The following PICK1 variants were observed in gnomAD, a reference collection of about 807,000 sequenced individuals.
The protein encoded by PICK1 is PRKCA-binding protein.
In PICK1, 23 loss-of-function variants were observed where a neutral mutation model predicts 48.9. The ratio of observed to expected loss-of-function variants is 0.47; its 90% CI spans 0.34 to 0.67. The LOEUF (loss-of-function observed/expected upper bound fraction) is 0.67, where lower values mean the gene tolerates loss of function less well. PICK1 is among the 30% of genes least tolerant of loss of function. The probability of loss-of-function intolerance (pLI) is 0.01; values close to 1 mark genes in which losing one functional copy is unlikely to be tolerated. For missense variants in PICK1, 423 were observed against 557.1 expected, an observed-to-expected ratio of 0.76 and a Z score of 2.42; for synonymous variants, 217 against 228.2, an observed-to-expected ratio of 0.95 and a Z score of 0.44.
intron 5 of PICK1, among the ~76,000 whole-genome samples, chr22:38,068,293 G>A (rs965415237): frequency 6.6e-6 from 1 of 152,206 alleles, no homozygotes; most frequent in Non-Finnish European, 1.5e-5. Context: ...GCTGAGCCTC[G>A]GTTCTGTAGA....
At chr22:38,071,030 A>G (rs935094934) in intron 7 of PICK1, 139 bp downstream of exon 7, 4 of 720,502 alleles carry the variant, frequency 5.6e-6, no homozygotes, top group African/African-American at 1.8e-5. Context: ...GTTCTTAAGA[A>G]TATATACTTC....
intron 6 of PICK1, among the ~76,000 whole-genome samples, chr22:38,070,291 C>T (rs1305231820): frequency 1.3e-5 from 2 of 152,276 alleles, no homozygotes; most frequent in Admixed American, 6.5e-5. Context: ...GCTGGCTTCT[C>T]TGCTGGGCTT....
intron 3 of PICK1, among the ~76,000 whole-genome samples, chr22:38,062,850 T>C (rs192882611): frequency 6.6e-6 from 1 of 152,354 alleles, no homozygotes; most frequent in Non-Finnish European, 1.5e-5. Context: ...TGTGGAAGTG[T>C]GATGGCCTTG....
chr22:38,060,744 A>G (rs1422240580), intron 3 of PICK1, among the ~76,000 whole-genome samples: 1 of 131,114 alleles, frequency 7.6e-6, no homozygotes. Context: ...ATAAAATAGT[A>G]TAATTGATTT....
In PICK1 at chr22:38,066,121, A is replaced by G. The variant is rs1183600038; in HGVS notation, c.282+991A>G. Among the ~76,000 whole-genome samples the G allele has an allele frequency of 1.3e-5, 2 of 152,120 alleles. No homozygotes were observed. Among genetic ancestry groups the G allele is most frequent in the African/African-American group, 2.4e-5 (1 of 41,420 alleles). On this transcript the variant is annotated intron_variant, in intron 4 of 12. Coordinates refer to ENST00000356976, the MANE Select transcript of PICK1 (RefSeq NM_012407.4). This position sits in a 1 kb window ranked among gnomAD's most constrained non-coding sequence, Gnocchi z 4.1. Reference sequence around the variant, plus strand: ...TTCTCCTATTCCAGCCCCTTTAGCCATAGGACAAATCAGGGCCTGGGGCTG... The same window carrying G: ...TTCTCCTATTCCAGCCCCTTTAGCCGTAGGACAAATCAGGGCCTGGGGCTG...
chr22:38,072,072 C>T (rs1376034328), intron 8 of PICK1: 11 of 494,330 alleles, frequency 2.2e-5, no homozygotes, highest in Middle Eastern at 5.6e-4. Context: ...AAAATGAAGC[C>T]CAGACAAAGG....
intron 7 of PICK1, 27 bp downstream of exon 7, chr22:38,070,918 C>T (rs765854483): frequency 6.3e-7 from 1 of 1,598,036 alleles, no homozygotes; most frequent in South Asian, 1.1e-5. Flanking sequence ...CTCGTCCTGG[C>T]ACTAGCTCTA....
chr22:38,058,939 G>A (rs1368097921), intron 2 of PICK1, among the ~76,000 whole-genome samples: 5 of 152,148 alleles, frequency 3.3e-5, no homozygotes, highest in South Asian at 4.1e-4. Context: ...CCCGGGAGGC[G>A]GAGGTTGCAG....
chr22:38,064,254 C>T (rs766289904), intron 3 of PICK1, among the ~76,000 whole-genome samples: 4 of 151,976 alleles, frequency 2.6e-5, no homozygotes, highest in Admixed American at 6.6e-5. Context: ...GATGGGGTTT[C>T]GCCATGTTGG....
rs766704218 is a variant in PICK1 at position 38,059,220 on chromosome 22, G to T, written c.42-14G>T. ...TCTGCCAGGAGAGTCAGCCTAGCTT[G>T]CTTTCCTTTCTAGCGGAATCCCGAC... On this transcript the variant is annotated splice_polypyrimidine_tract_variant and intron_variant, in intron 2 of 12. Coordinates refer to ENST00000356976, the MANE Select transcript of PICK1 (RefSeq NM_012407.4). 1 of 1,554,368 alleles carries T rather than the reference G, an allele frequency of 6.4e-7. No homozygotes were observed. The highest frequency in any genetic ancestry group is 1.9e-5 in the Admixed American group (1 of 52,632).
Position 38,070,874 on chromosome 22 carries a change from C to T in PICK1, c.476C>T (p.Thr159Ile). ...LVKRLEELER[T>I]AELYKGMTEH... ...AAGAGGCTAGAGGAGCTGGAGCGGA[C>T]CGCTGAGCTATACAAAGGTGGGTGG... is the stretch of plus-strand genomic sequence containing the variant. Residue 159 changes from threonine (T) to isoleucine (I), a missense_variant, in exon 7 of 13, where the codon ACC (threonine) becomes ATC (isoleucine). Coordinates refer to ENST00000356976, the MANE Select transcript of PICK1 (RefSeq NM_012407.4). 6.2e-7 allele frequency: 1 copy of T among 1,613,980 alleles called. No individual in the cohort carries two copies. The highest frequency in any genetic ancestry group is 8.5e-7 in the Non-Finnish European group (1 of 1,179,964).
chr22:38,063,215 G>T (rs886830054), intron 3 of PICK1, among the ~76,000 whole-genome samples: 1 of 151,566 alleles, frequency 6.6e-6, no homozygotes, highest in Non-Finnish European at 1.5e-5. Flanking sequence ...GGAGTGCAGG[G>T]GTGCGATCAT....
chr22:38,063,532 G>A (rs1400672517), intron 3 of PICK1, among the ~76,000 whole-genome samples: 1 of 151,936 alleles, frequency 6.6e-6, no homozygotes, highest in Non-Finnish European at 1.5e-5. Context: ...AGAAAAAAGA[G>A]TTTTAGGAAT....
intron 2 of PICK1, among the ~76,000 whole-genome samples, chr22:38,058,348 T>C (rs903356362): frequency 1.3e-5 from 2 of 152,180 alleles, no homozygotes; most frequent in Admixed American, 1.3e-4. Context: ...GTTTTTTGAA[T>C]GAATAAGTGA....
chr22:38,068,384 C>G (rs2085584698), intron 5 of PICK1, among the ~76,000 whole-genome samples: 1 of 152,172 alleles, frequency 6.6e-6, no homozygotes, highest in Admixed American at 6.5e-5. Context: ...AGCCTGAGAC[C>G]CAGAGAGGGC....
At chr22:38,070,790 G>A (rs924570208) in intron 6 of PICK1, 48 bp from the exon 7 acceptor site, 2 of 1,570,026 alleles carry the variant, frequency 1.3e-6, no homozygotes, top group Non-Finnish European at 1.8e-6. Flanking sequence ...TGGGCCTCCT[G>A]TGGCTTGCTG....
chr22:38,071,364 C>T (rs1008336568), intron 7 of PICK1, among the ~76,000 whole-genome samples: 1 of 152,156 alleles, frequency 6.6e-6, no homozygotes, highest in African/African-American at 2.4e-5. Context: ...AAACCTGATA[C>T]TCATAAAAAT....
chr22:38,071,711 C>G lies in PICK1; in HGVS notation c.523C>G (p.Arg175Gly). ...GMTEHTKNLL[R>G]AFYELSQTHR... ...GACGGAACACACCAAGAACCTCCTA[C>G]GGGCCTTTTATGAGCTGTCGCAGAC... The change falls in exon 8 of 13, where the codon CGG (arginine) becomes GGG (glycine). Residue 175 changes from arginine (R) to glycine (G), a missense_variant. Coordinates refer to ENST00000356976, the MANE Select transcript of PICK1 (RefSeq NM_012407.4). 6.2e-7 allele frequency: 1 copy of G among 1,613,538 alleles called. No homozygotes were observed. The highest frequency in any genetic ancestry group is 8.5e-7 in the Non-Finnish European group (1 of 1,179,898).
intron 3 of PICK1, among the ~76,000 whole-genome samples, chr22:38,063,744 G>A (rs1432156182): frequency 6.6e-6 from 1 of 150,492 alleles, no homozygotes; most frequent in African/African-American, 2.4e-5. Flanking sequence ...CCAGGCTCAA[G>A]CGATCCTCCC....
Sources: gnomAD v4.1 joint callset for allele counts (sites outside exome capture counted in the v4.1 genomes callset) on GRCh38, gnomAD v4.1.1 for gene constraint, Gnocchi (gnomAD v3.1) non-coding constraint, MANE v1.5 for transcripts, NCBI Gene and HGNC (gene_info 2026-07-23, HGNC 2026-07-21) for gene names.